The following CAPN14 variants were observed in gnomAD, a reference collection of about 807,000 sequenced individuals.
The protein encoded by CAPN14 is calpain-14.
CAPN14 carries 94 observed loss-of-function variants against 101.3 expected under a neutral mutation model. The observed-to-expected ratio is 0.93, with a 90% confidence interval of 0.79 to 1.10. The LOEUF is 1.10. CAPN14 is among the 50% of genes least tolerant of loss of function. The pLI is 0.00. For missense variants in CAPN14, 837 were observed against 828.4 expected, an observed-to-expected ratio of 1.01 and a Z score of -0.13; for synonymous variants, 338 against 317.9, an observed-to-expected ratio of 1.06 and a Z score of -0.67.
Position 31,215,839 on chromosome 2 carries a change from C to T in CAPN14, c.-53+1617G>A, listed in dbSNP as rs1682615207. On this transcript the variant is annotated intron_variant, in intron 1 of 21. Transcript: ENST00000403897. Reference sequence around the variant, plus strand: ...GAAAAAGTAAGTCAATTAGAAACATCTTAAAAAAGAAAAAAAAAAAAAAAA... The same window carrying T: ...GAAAAAGTAAGTCAATTAGAAACATTTTAAAAAAGAAAAAAAAAAAAAAAA... 3.3e-5 allele frequency among the ~76,000 whole-genome samples: 3 copies of T among 91,874 alleles called. No individual in the cohort carries two copies. The South Asian group carries it at 1.6e-3, about 48-fold the overall frequency. The allele number at this position is 91,874 out of a possible 152,430, so 60.3% of individuals were successfully genotyped here.
Position 31,177,741 on chromosome 2 carries a change from C to G in CAPN14, c.1855+5G>C, listed in dbSNP as rs539748062. On this transcript the variant is annotated splice_donor_5th_base_variant and intron_variant, in intron 19 of 21. Transcript: ENST00000403897. ...GCCCACAGCTCCAGCTCTTCCTGTG[C>G]CTACCTGCCTCCCTCATGGCAGCGT... 6.1e-5 allele frequency: 94 copies of G among 1,550,376 alleles called. No individual in the cohort carries two copies. In the African/African-American group the frequency reaches 1.2e-3, roughly 20 times the overall value.
Position 31,189,438 on chromosome 2 carries a change from T to C in CAPN14, c.1328A>G (p.Gln443Arg). The C allele has an allele frequency of 6.4e-7, 1 of 1,551,708 alleles. No homozygotes were observed. Among genetic ancestry groups the C allele is most frequent in the Non-Finnish European group, 8.7e-7 (1 of 1,146,994 alleles). ...DQRRLPPEFF[Q>R]RNTPLSQPDR... ...AGGCTGGCTCAGAGGAGTGTTTCTC[T>C]GGAAGAACTCAGGGGGCAGTCTCCT... The change falls in exon 13 of 22, where the codon CAG becomes CGG. Residue 443 changes from glutamine (Q) to arginine (R), a missense_variant. Coordinates refer to ENST00000403897, the MANE Select transcript of CAPN14 (RefSeq NM_001145122.2).
intron 17 of CAPN14, 38 bp from the exon 18 acceptor site, chr2:31,178,617 T>G (rs1179790922): frequency 2.9e-6 from 4 of 1,378,918 alleles, no homozygotes; most frequent in Non-Finnish European, 3.9e-6. Context: ...CCAGGGAGAG[T>G]TCTATCCATG....
chr2:31,202,137 G>A lies in CAPN14; in HGVS notation c.411C>T (p.Phe137=), dbSNP rs945339810. Residue 137 remains phenylalanine (F), a synonymous_variant, in exon 4 of 22, where the codon TTC becomes TTT. Coordinates refer to ENST00000403897, the MANE Select transcript of CAPN14 (RefSeq NM_001145122.2). ...GAGGACCCGGGAAGACACTCACCCA[G>A]AACCGGAAGATGCCAGCATACTTCT... ...FTEKYAGIFR[F]WFWHYGNWVP... is the part of the protein sequence containing the mutation. The A allele has an allele frequency of 4.5e-6, 7 of 1,551,678 alleles. No individual in the cohort carries two copies. The highest frequency in any genetic ancestry group is 1.2e-5 in the South Asian group (1 of 84,060).
chr2:31,191,455 G>C (rs575545821), intron 11 of CAPN14, 48 bp from the exon 12 acceptor site: 53 of 1,496,630 alleles, frequency 3.5e-5, no homozygotes, highest in Non-Finnish European at 4.6e-5. Flanking sequence ...AGAGGAGAGA[G>C]AGATCTCATT....
intron 17 of CAPN14, among the ~76,000 whole-genome samples, chr2:31,180,528 C>T (rs1054938250): frequency 1.1e-4 from 17 of 152,092 alleles, no homozygotes; most frequent in African/African-American, 3.9e-4. Flanking sequence ...GGGCAGCCAC[C>T]GCCCAGTTAT....
At chr2:31,194,132 T>C (rs1014738752) in intron 9 of CAPN14, among the ~76,000 whole-genome samples, 1 of 152,126 alleles carries the variant, frequency 6.6e-6, no homozygotes, top group African/African-American at 2.4e-5. Context: ...TTGAATACAC[T>C]GAGCAAGAGA....
intron 1 of CAPN14, among the ~76,000 whole-genome samples, chr2:31,211,671 GCACACACA>G (rs34380519): frequency 2.0e-4 from 30 of 149,456 alleles, no homozygotes; most frequent in Non-Finnish European, 3.6e-4. Flanking sequence ...GTGTGCATGT[GCACACACA>G]CACACACACA....
At chr2:31,219,556 T>G (rs546536053), upstream of CAPN14, among the ~76,000 whole-genome samples, 70 of 152,294 alleles carry the variant, frequency 4.6e-4, no homozygotes, top group African/African-American at 1.6e-3. Context: ...TTAGGAGTGG[T>G]GAAGCCTTTC....
intron 15 of CAPN14, among the ~76,000 whole-genome samples, chr2:31,187,022 C>T (rs188385171): frequency 2.8e-4 from 42 of 152,292 alleles, no homozygotes; most frequent in African/African-American, 8.7e-4. Context: ...TTATCCTCTC[C>T]AGCTACATTA....
At chr2:31,197,507 G>C (rs1323050666) in intron 7 of CAPN14, among the ~76,000 whole-genome samples, 173 bp from the exon 8 acceptor site, 1 of 152,138 alleles carries the variant, frequency 6.6e-6, no homozygotes, top group East Asian at 1.9e-4. Context: ...GTGAGACCTA[G>C]GGCAAATCAG....
At chr2:31,209,706 G>C (rs369448694) in intron 1 of CAPN14, among the ~76,000 whole-genome samples, 3 of 152,140 alleles carry the variant, frequency 2.0e-5, no homozygotes, top group Admixed American at 6.5e-5. Flanking sequence ...CTTCAGGTGG[G>C]TCTCAGTGAT....
At chr2:31,231,975 G>T (rs533776282) in intron 1 of CAPN14, among the ~76,000 whole-genome samples, 10 of 152,310 alleles carry the variant, frequency 6.6e-5, no homozygotes, top group Admixed American at 3.9e-4. Flanking sequence ...ATATTAATCT[G>T]AGTGAATTCT....
At chr2:31,223,984 A>G (rs941527305) in intron 2 of CAPN14, among the ~76,000 whole-genome samples, 2 of 152,218 alleles carry the variant, frequency 1.3e-5, no homozygotes, top group Admixed American at 1.3e-4. Flanking sequence ...TTGTTTTCAT[A>G]CAGCCTGAAT....
At chr2:31,219,428 A>G (rs1392111675), upstream of CAPN14, among the ~76,000 whole-genome samples, 1 of 152,238 alleles carries the variant, frequency 6.6e-6, no homozygotes, top group African/African-American at 2.4e-5. Flanking sequence ...TCTGGTGATG[A>G]GCCTTCTGTC....
intron 7 of CAPN14, among the ~76,000 whole-genome samples, chr2:31,198,110 C>A (rs1327362523): frequency 1.3e-5 from 2 of 152,200 alleles, no homozygotes; most frequent in Non-Finnish European, 2.9e-5. Flanking sequence ...CTGCTTAGGG[C>A]AAACCTGCCT....
At chr2:31,183,557 A>G (rs904231347) in intron 16 of CAPN14, among the ~76,000 whole-genome samples, 6 of 152,192 alleles carry the variant, frequency 3.9e-5, no homozygotes, top group Admixed American at 3.9e-4. Flanking sequence ...AAAAGAAGAC[A>G]TTTATGCAGC....
intron 16 of CAPN14, among the ~76,000 whole-genome samples, chr2:31,183,446 G>T (rs1461986492): frequency 6.6e-6 from 1 of 152,030 alleles, no homozygotes; most frequent in East Asian, 1.9e-4. Context: ...ATCTGACAAA[G>T]GGCTAATATC....
At chr2:31,229,582 A>G (rs1683125406) in intron 1 of CAPN14, among the ~76,000 whole-genome samples, 1 of 150,880 alleles carries the variant, frequency 6.6e-6, no homozygotes, top group Non-Finnish European at 1.5e-5. Context: ...AGGCTGAGGC[A>G]GGCTGAGAAT....
Sources: gnomAD v4.1 joint callset for allele counts (sites outside exome capture counted in the v4.1 genomes callset) on GRCh38, gnomAD v4.1.1 for gene constraint, MANE v1.5 for transcripts, NCBI Gene and HGNC (gene_info 2026-07-23, HGNC 2026-07-21) for gene names.